The following DPY19L3 variants were observed in gnomAD, a reference collection of about 807,000 sequenced individuals.
DPY19L3 encodes protein C-mannosyl-transferase DPY19L3.
DPY19L3 carries 51 observed loss-of-function variants against 92.3 expected under a neutral mutation model. The observed-to-expected ratio is 0.55, with a 90% CI of 0.44 to 0.70. The LOEUF is 0.70. DPY19L3 is among the 30% of genes least tolerant of loss of function. The probability of loss-of-function intolerance (pLI) is 0.00; values close to 1 mark genes in which losing one functional copy is unlikely to be tolerated. For synonymous variants in DPY19L3, 309 were observed against 315.2 expected (o/e 0.98, Z 0.21); for missense variants, 706 against 855.9 (o/e 0.82, Z 2.18).
At chr19:32,471,836 A>G (rs1013817532) in intron 16 of DPY19L3, among the ~76,000 whole-genome samples, 5 of 152,212 alleles carry the variant, frequency 3.3e-5, no homozygotes, top group African/African-American at 1.2e-4. Flanking sequence ...GACACTTAAC[A>G]TGAGAAGGGT....
chr19:32,455,830 T>A (rs903042008), intron 10 of DPY19L3, among the ~76,000 whole-genome samples: 2 of 152,240 alleles, frequency 1.3e-5, no homozygotes, highest in Non-Finnish European at 2.9e-5. Flanking sequence ...CGTTTTAATT[T>A]TTTTTCAGGG....
chr19:32,466,080 G>A (rs1169318621), intron 15 of DPY19L3, among the ~76,000 whole-genome samples: 1 of 152,120 alleles, frequency 6.6e-6, no homozygotes, highest in Non-Finnish European at 1.5e-5. Flanking sequence ...CATACTGCCC[G>A]TGTGCATGTA....
chr19:32,468,755 C>G lies in DPY19L3; in HGVS notation c.1639C>G (p.Leu547Val), dbSNP rs757892611. ...YKFWPGMMDE[L>V]SELREFYDPD... ...GTTCTGGCCAGGAATGATGGATGAA[C>G]TCTCCGAGTTGAGAGAATTCTATGA... The change falls in exon 16 of 19, where the codon CTC becomes GTC. Residue 547 changes from leucine to valine, a missense_variant. Physicochemically the swap from Leu to Val is conservative, Grantham distance 32 (BLOSUM62 1). Coordinates refer to ENST00000392250, the MANE Select transcript of DPY19L3 (RefSeq NM_001172774.2). 6.2e-7 allele frequency: 1 copy of G among 1,613,882 alleles called. No individual in the cohort carries two copies. The highest frequency in any genetic ancestry group is 1.7e-5 in the Admixed American group (1 of 60,018).
At chr19:32,422,320 T>C (rs879306822) in intron 3 of DPY19L3, among the ~76,000 whole-genome samples, 1 of 152,162 alleles carries the variant, frequency 6.6e-6, no homozygotes, top group Non-Finnish European at 1.5e-5. Context: ...ATGTGCCTTC[T>C]TCAAGGGGAA....
chr19:32,416,442 C>T (rs1295190770), intron 3 of DPY19L3, among the ~76,000 whole-genome samples: 2 of 152,192 alleles, frequency 1.3e-5, no homozygotes, highest in African/African-American at 2.4e-5. Flanking sequence ...AAAATGCCTT[C>T]GTTTCACACA....
chr19:32,437,156 C>T lies in DPY19L3; in HGVS notation c.451-38C>T, dbSNP rs375976525. On this transcript the variant is annotated intron_variant, in intron 5 of 18. Coordinates refer to ENST00000392250, the MANE Select transcript of DPY19L3 (RefSeq NM_001172774.2). ...TAAATGGCACTGAGGAGGGTTAGGG[C>T]TCACCTGACAAACATGTTTTATTGT... The T allele has an allele frequency of 7.4e-6, 12 of 1,611,806 alleles. No individual in the cohort carries two copies. In the African/African-American group the frequency reaches 1.5e-4, roughly 20 times the overall value.
At chr19:32,456,953 G>A (rs965425332) in intron 10 of DPY19L3, among the ~76,000 whole-genome samples, 9 of 152,158 alleles carry the variant, frequency 5.9e-5, no homozygotes, top group African/African-American at 2.2e-4. Flanking sequence ...CTGAGGCTAG[G>A]AGTTCAAAAC....
intron 5 of DPY19L3, 145 bp downstream of exon 5, chr19:32,436,712 A>T: frequency 1.3e-6 from 1 of 745,554 alleles, no homozygotes; most frequent in Non-Finnish European, 2.0e-6. Flanking sequence ...CATGTATATT[A>T]TGAACTTTAT....
At chr19:32,408,027 G>A (rs1227979786) in intron 1 of DPY19L3, among the ~76,000 whole-genome samples, 190 bp from the exon 2 acceptor site, 1 of 152,098 alleles carries the variant, frequency 6.6e-6, no homozygotes, top group Non-Finnish European at 1.5e-5. Context: ...AGAGGCTACA[G>A]TGAGCCGTGA....
At chr19:32,480,312 T>C (rs111414151) in intron 17 of DPY19L3, 87 bp from the exon 18 acceptor site, 1 of 1,457,904 alleles carries the variant, frequency 6.9e-7, no homozygotes, top group African/African-American at 1.4e-5. Context: ...GGTCTTAGAC[T>C]CAGCCCTGTG....
intron 15 of DPY19L3, chr19:32,467,371 GTATTC>G: frequency 1.1e-6 from 1 of 905,972 alleles, no homozygotes; most frequent in Non-Finnish European, 1.3e-6. Flanking sequence ...TAAAAAGTTG[GTATTC>G]TATTGGTTAT....
At chr19:32,411,791 C>T (rs906472444) in intron 3 of DPY19L3, 4 of 174,032 alleles carry the variant, frequency 2.3e-5, no homozygotes, top group Non-Finnish European at 4.8e-5. Context: ...TGATCTCGAA[C>T]TCCTGACCTT....
rs576664859 is a variant in DPY19L3 at position 32,480,421 on chromosome 19, G to A, written c.1853G>A (p.Arg618Lys). The A allele has an allele frequency of 6.2e-7, 1 of 1,612,284 alleles. No individual in the cohort carries two copies. Among genetic ancestry groups the A allele is most frequent in the Admixed American group, 1.7e-5 (1 of 59,436 alleles). Residue 618 changes from arginine to lysine, a missense_variant, in exon 18 of 19, where the codon AGG becomes AAG. Transcript: ENST00000392250. The stretch of plus-strand genomic sequence containing the variant: ...AAGGTTTATCAGATATATGCCAAGA[G>A]GGCACCAGAGGAAGTGCATGCCCTC... ...TRAVYQIYAK[R>K]APEEVHALLR...
At chr19:32,468,203 C>A in intron 15 of DPY19L3, 1 of 913,958 alleles carries the variant, frequency 1.1e-6, no homozygotes, top group Non-Finnish European at 1.3e-6. Flanking sequence ...AAATAAATCC[C>A]AGTGGGTGAT....
intron 4 of DPY19L3, 49 bp from the exon 5 acceptor site, chr19:32,436,397 A>T (rs766559611): frequency 1.5e-6 from 2 of 1,336,672 alleles, no homozygotes; most frequent in Non-Finnish European, 2.0e-6. Flanking sequence ...GAATGAATGA[A>T]TAATTATGAG....
chr19:32,432,912 G>A, intron 4 of DPY19L3, 106 bp downstream of exon 4: 1 of 838,154 alleles, frequency 1.2e-6, no homozygotes, highest in East Asian at 2.7e-5. Flanking sequence ...TAGAACATGT[G>A]TATTTTTCCG....
At chr19:32,427,325 T>G (rs1013695428) in intron 3 of DPY19L3, among the ~76,000 whole-genome samples, 5 of 152,208 alleles carry the variant, frequency 3.3e-5, no homozygotes, top group Non-Finnish European at 7.3e-5. Flanking sequence ...CATAAACATC[T>G]TTCGGTCAAA....
Position 32,437,351 on chromosome 19 carries a change from T to C in DPY19L3, c.596+12T>C, listed in dbSNP as rs1969176055. ...TATGTCACAAATAGGTGAGTTGGAG[T>C]CAGTATGCTTCTTTTTTTTCCAAAA... On this transcript the variant is annotated intron_variant, in intron 6 of 18. Transcript: ENST00000392250. 6.3e-7 allele frequency: 1 copy of C among 1,588,294 alleles called. No homozygotes were observed. Among genetic ancestry groups the C allele is most frequent in the Admixed American group, 1.8e-5 (1 of 54,142 alleles).
intron 9 of DPY19L3, among the ~76,000 whole-genome samples, chr19:32,454,490 C>T (rs989799642): frequency 6.6e-6 from 1 of 152,134 alleles, no homozygotes; most frequent in African/African-American, 2.4e-5. Flanking sequence ...AGGAGAATGG[C>T]ATGAACCCAG....
Sources: gnomAD v4.1 joint callset for allele counts (sites outside exome capture counted in the v4.1 genomes callset) on GRCh38, gnomAD v4.1.1 for gene constraint, MANE v1.5 for transcripts, NCBI Gene and HGNC (gene_info 2026-07-23, HGNC 2026-07-21) for gene names.